The following CSMD3 variants were observed in gnomAD, a reference collection of about 807,000 sequenced individuals.
CSMD3 encodes CUB and sushi domain-containing protein 3.
In CSMD3, 177 loss-of-function variants were observed where a neutral mutation model predicts 435.2. The observed-to-expected ratio is 0.41, with a 90% CI of 0.36 to 0.46. The LOEUF (loss-of-function observed/expected upper bound fraction) is 0.46, where lower values mean the gene tolerates loss of function less well. Among genes scored for constraint, CSMD3 ranks in the 20% least tolerant of loss-of-function variants. The pLI, the probability that CSMD3 is intolerant of heterozygous loss-of-function variation, is 0.34. For synonymous variants in CSMD3, 1,656 were observed against 1,520.5 expected (o/e 1.09, Z -2.07); for missense variants, 4,265 against 4,504.6 (o/e 0.95, Z 1.52).
intron 3 of CSMD3, among the ~76,000 whole-genome samples, chr8:113,273,802 T>C (rs1453292311): frequency 6.6e-6 from 1 of 152,160 alleles, no homozygotes; most frequent in Non-Finnish European, 1.5e-5. Context: ...GTATTATATG[T>C]TGATTAATCT....
intron 13 of CSMD3, among the ~76,000 whole-genome samples, chr8:112,727,107 C>A (rs954090272): frequency 6.6e-6 from 1 of 151,556 alleles, no homozygotes; most frequent in Non-Finnish European, 1.5e-5. Flanking sequence ...CTGTTAAAAT[C>A]TATTATTTTT....
At chr8:112,710,381 T>C (rs960672097) in intron 13 of CSMD3, among the ~76,000 whole-genome samples, 22 of 152,102 alleles carry the variant, frequency 1.4e-4, no homozygotes, top group African/African-American at 5.3e-4. Flanking sequence ...CTTTAGCAGA[T>C]TGCCTAAGAT....
intron 27 of CSMD3, among the ~76,000 whole-genome samples, chr8:112,535,469 G>T (rs1199634559): frequency 1.3e-5 from 2 of 151,502 alleles, no homozygotes; most frequent in East Asian, 3.9e-4. Context: ...TACAAGGGAT[G>T]TGAAGGACCT....
intron 13 of CSMD3, among the ~76,000 whole-genome samples, chr8:112,701,237 A>G (rs1053962862): frequency 6.6e-6 from 1 of 152,166 alleles, no homozygotes; most frequent in Admixed American, 6.5e-5. Context: ...AGGTGGAAAC[A>G]TGGATGTAAT....
chr8:113,176,196 C>T (rs2092344319), intron 3 of CSMD3, among the ~76,000 whole-genome samples: 2 of 152,108 alleles, frequency 1.3e-5, no homozygotes, highest in Admixed American at 1.3e-4. Flanking sequence ...CTGGACTTCA[C>T]TTTCAGGAAA....
At chr8:112,880,555 CA>C (rs1348117689) in intron 10 of CSMD3, among the ~76,000 whole-genome samples, 1 of 151,914 alleles carries the variant, frequency 6.6e-6, no homozygotes, top group East Asian at 1.9e-4. Context: ...GACTTCTAGG[CA>C]GGGGGAAAGA....
chr8:113,154,772 T>C (rs184147240), intron 4 of CSMD3, among the ~76,000 whole-genome samples: 209 of 152,138 alleles, frequency 1.4e-3, no homozygotes, highest in African/African-American at 4.8e-3. Flanking sequence ...TTTAAATATT[T>C]TGTATACTGT....
At chr8:112,863,766 C>T (rs568271808) in intron 10 of CSMD3, among the ~76,000 whole-genome samples, 4 of 151,950 alleles carry the variant, frequency 2.6e-5, no homozygotes, top group South Asian at 2.1e-4. Flanking sequence ...AATAAATAAA[C>T]GTGATTACAG....
At chr8:112,940,952 T>C (rs1344518361) in intron 9 of CSMD3, among the ~76,000 whole-genome samples, 1 of 151,800 alleles carries the variant, frequency 6.6e-6, no homozygotes, top group Non-Finnish European at 1.5e-5. Context: ...GAGCTCTCTT[T>C]GTCACACATA....
At chr8:112,963,046 C>A (rs1397669583) in intron 7 of CSMD3, among the ~76,000 whole-genome samples, 3 of 151,956 alleles carry the variant, frequency 2.0e-5, no homozygotes, top group Non-Finnish European at 4.4e-5. Context: ...ACTCCCTTAA[C>A]CTCTGGGGGA....
intron 22 of CSMD3, among the ~76,000 whole-genome samples, chr8:112,618,917 CTTT>C (rs1353064742): frequency 1.3e-5 from 2 of 152,058 alleles, no homozygotes; most frequent in East Asian, 3.9e-4. Flanking sequence ...TCCAGATCAT[CTTT>C]TTATTAAAAT....
chr8:112,716,153 C>T (rs2076722577), intron 13 of CSMD3, among the ~76,000 whole-genome samples: 1 of 152,162 alleles, frequency 6.6e-6, no homozygotes, highest in Non-Finnish European at 1.5e-5. Context: ...TTTCAGACTA[C>T]ATGATTTTAT....
At position 112,863,743 on chromosome 8, in the gene CSMD3, G is replaced by GC. The variant is rs530507397; in HGVS notation, c.1634-4478_1634-4477insG. 3.8e-3 allele frequency among the ~76,000 whole-genome samples: 580 copies of GC among 151,980 alleles called. 2 individuals are homozygous for GC. Among genetic ancestry groups the GC allele is most frequent in the African/African-American group, 0.014 (560 of 41,464 alleles). On this transcript the variant is annotated intron_variant, in intron 10 of 70. Transcript: ENST00000297405. ...ATTTGCCTCTTCAATGGAGCCTTTAGTAACACAAAGGAAATAAATAAACGT... is the reference window on the plus strand; with the variant it reads ...ATTTGCCTCTTCAATGGAGCCTTTAGCTAACACAAAGGAAATAAATAAACGT...
At position 112,295,626 on chromosome 8, in the gene CSMD3, A is replaced by G. The variant is rs895053999; in HGVS notation, c.8614+207T>C. ...ATATGAGAAGAGCTAAATTTAATTT[A>G]TTATCTTCATGATAAAATATAACTG... On this transcript the variant is annotated intron_variant, in intron 54 of 70. Transcript: ENST00000297405. Among the ~76,000 whole-genome samples, 21 of 151,930 alleles carry G rather than the reference A, an allele frequency of 1.4e-4. 2 individuals carry two copies. Among genetic ancestry groups the G allele is most frequent in the Admixed American group, 1.2e-3 (18 of 15,238 alleles).
intron 40 of CSMD3, among the ~76,000 whole-genome samples, chr8:112,349,100 A>T (rs1258300334): frequency 1.3e-5 from 2 of 151,632 alleles, no homozygotes; most frequent in Non-Finnish European, 2.9e-5. Context: ...GCTGTTTTCT[A>T]ATTATGATAT....
chr8:113,009,208 T>C (rs1052546909), intron 6 of CSMD3, among the ~76,000 whole-genome samples: 29 of 151,674 alleles, frequency 1.9e-4, no homozygotes, highest in African/African-American at 7.0e-4. Context: ...TCCACGGGAA[T>C]GATAAATGGG....
intron 1 of CSMD3, among the ~76,000 whole-genome samples, chr8:113,422,645 C>A (rs1298851970): frequency 1.3e-5 from 2 of 152,018 alleles, no homozygotes; most frequent in East Asian, 3.9e-4. Flanking sequence ...TCCTAGGGAG[C>A]TGGCTTGTAG....
At chr8:113,407,875 G>C (rs956911896) in intron 1 of CSMD3, among the ~76,000 whole-genome samples, 1 of 152,062 alleles carries the variant, frequency 6.6e-6, no homozygotes. Context: ...CTAAATTGCT[G>C]CATGTTTTCT....
chr8:113,081,487 G>T (rs139531151), intron 5 of CSMD3, among the ~76,000 whole-genome samples: 16 of 152,234 alleles, frequency 1.1e-4, no homozygotes, highest in Middle Eastern at 6.8e-3. Flanking sequence ...ATATACACCT[G>T]CAGTACTAGC....
Sources: allele counts gnomAD v4.1 joint callset (sites outside exome capture counted in the v4.1 genomes callset), GRCh38; gene constraint gnomAD v4.1.1; transcripts MANE v1.5; gene names NCBI Gene and HGNC (gene_info 2026-07-23, HGNC 2026-07-21).